Variants in ZFHX3 observed in about 807,000 individuals in gnomAD.
ZFHX3 encodes zinc finger homeobox protein 3.
In ZFHX3, 42 loss-of-function variants were observed where a neutral mutation model predicts 279.1. The observed-to-expected ratio is 0.15, with a 90% CI of 0.12 to 0.19. The LOEUF (loss-of-function observed/expected upper bound fraction) is 0.19, where lower values mean the gene tolerates loss of function less well. ZFHX3 is among the 10% of genes least tolerant of loss of function. The pLI, the probability that ZFHX3 is intolerant of heterozygous loss-of-function variation, is 1.00. For missense variants in ZFHX3, 4,981 were observed against 4,754.0 expected, an observed-to-expected ratio of 1.05 and a Z score of -1.40; for synonymous variants, 2,293 against 1,957.8, an observed-to-expected ratio of 1.17 and a Z score of -4.52.
intron 2 of ZFHX3, among the ~76,000 whole-genome samples, chr16:73,515,372 G>T (rs899012415): frequency 6.6e-6 from 1 of 152,002 alleles, no homozygotes. Context: ...TCACAAAGAT[G>T]GTGCCAATGT....
intron 2 of ZFHX3, among the ~76,000 whole-genome samples, chr16:73,551,851 G>T (rs972040395): frequency 4.6e-5 from 7 of 152,180 alleles, no homozygotes; most frequent in Admixed American, 4.6e-4. Flanking sequence ...TATGGTTTTG[G>T]AAGAGGTGTT....
At chr16:72,940,869 G>C (rs1240688042) in intron 3 of ZFHX3, among the ~76,000 whole-genome samples, 2 of 152,210 alleles carry the variant, frequency 1.3e-5, no homozygotes, top group African/African-American at 4.8e-5. Flanking sequence ...CCAGGAGGGG[G>C]ACCCTAGAGA....
intron 1 of ZFHX3, among the ~76,000 whole-genome samples, chr16:73,747,829 G>A (rs996541816): frequency 2.0e-5 from 3 of 152,152 alleles, no homozygotes; most frequent in African/African-American, 7.2e-5. Flanking sequence ...TATTTTTCAA[G>A]TGTTATTAAA....
chr16:73,642,214 G>A (rs1191620537), intron 2 of ZFHX3, among the ~76,000 whole-genome samples: 1 of 152,182 alleles, frequency 6.6e-6, no homozygotes, highest in African/African-American at 2.4e-5. Context: ...TGGTTCATTA[G>A]ACGATTCCTA....
At chr16:73,631,927 T>TCTCTCTCTCTCA (rs1437204921) in intron 2 of ZFHX3, among the ~76,000 whole-genome samples, 15 of 136,816 alleles carry the variant, frequency 1.1e-4, no homozygotes, top group African/African-American at 4.1e-4. Context: ...TCTCTCTCTC[T>TCTCTCTCTCTCA]CACACACACA....
intron 3 of ZFHX3, among the ~76,000 whole-genome samples, chr16:73,330,685 G>A (rs2015785299): frequency 6.6e-6 from 1 of 152,130 alleles, no homozygotes; most frequent in Non-Finnish European, 1.5e-5. Flanking sequence ...GAGAGGCAAG[G>A]GCATGTTGAT....
intron 1 of ZFHX3, among the ~76,000 whole-genome samples, chr16:72,996,350 T>C (rs1238142235): frequency 6.6e-6 from 1 of 152,186 alleles, no homozygotes; most frequent in Admixed American, 6.5e-5. Flanking sequence ...TAGATACTTA[T>C]TTGCATGGAC....
At chr16:72,952,843 G>T (rs188207458) in intron 2 of ZFHX3, among the ~76,000 whole-genome samples, 112 of 152,226 alleles carry the variant, frequency 7.4e-4, no homozygotes, top group Non-Finnish European at 1.3e-3. Context: ...TCCTAGAAGC[G>T]TACGGTCAAG....
intron 2 of ZFHX3, among the ~76,000 whole-genome samples, chr16:73,517,414 G>A (rs2019541349): frequency 6.6e-6 from 1 of 152,152 alleles, no homozygotes; most frequent in Non-Finnish European, 1.5e-5. Context: ...ATGTACAGAT[G>A]AATGTCCCTT....
intron 7 of ZFHX3, among the ~76,000 whole-genome samples, chr16:73,129,708 A>C (rs1009898145): frequency 1.6e-5 from 2 of 126,860 alleles, no homozygotes; most frequent in Non-Finnish European, 1.8e-5. Flanking sequence ...ATGTGTGTGC[A>C]TGTGTATGTG....
intron 1 of ZFHX3, among the ~76,000 whole-genome samples, chr16:73,888,196 CT>C (rs1460813598): frequency 6.6e-6 from 1 of 152,090 alleles, no homozygotes; most frequent in Non-Finnish European, 1.5e-5. Flanking sequence ...ATGAGTAAAA[CT>C]AGGTTAGAAG....
chr16:72,990,933 T>A (rs1334321586), intron 1 of ZFHX3, among the ~76,000 whole-genome samples: 2 of 150,728 alleles, frequency 1.3e-5, no homozygotes, highest in African/African-American at 4.9e-5. Context: ...TGAACCAAGA[T>A]CGCGTCACTG....
chr16:72,998,605 C>T (rs1207732660), intron 1 of ZFHX3, among the ~76,000 whole-genome samples: 1 of 152,204 alleles, frequency 6.6e-6, no homozygotes, highest in Non-Finnish European at 1.5e-5. Flanking sequence ...GAACCAGCCA[C>T]ATTTCGGGTG....
chr16:73,485,438 A>AAAG (rs1567498389), intron 2 of ZFHX3, among the ~76,000 whole-genome samples: 3 of 144,824 alleles, frequency 2.1e-5, no homozygotes, highest in African/African-American at 2.6e-5. Flanking sequence ...AAAAAAAAAA[A>AAAG]AAAAAAAAAC....
At chr16:73,007,094 A>G (rs1042750468) in intron 1 of ZFHX3, among the ~76,000 whole-genome samples, 5 of 152,348 alleles carry the variant, frequency 3.3e-5, no homozygotes, top group African/African-American at 9.6e-5. Context: ...CTCTACATAC[A>G]TGATTATTTC....
In ZFHX3 at chr16:72,800,255, A is replaced by G. The variant is rs983566106; in HGVS notation, c.3865-126T>C. On this transcript the variant is annotated intron_variant, in intron 7 of 9. Coordinates refer to ENST00000268489, the MANE Select transcript of ZFHX3 (RefSeq NM_006885.4). ...TAAAGCTAGAGGTGTCTCACTTTTC[A>G]TAGCTCACTGAAGATTCATGTTTAT... 5 of 709,618 alleles carry G rather than the reference A, an allele frequency of 7.0e-6. No homozygotes were observed. The African/African-American group carries it at 7.1e-5, about 10-fold the overall frequency. The allele number at this position is 709,618 out of a possible 1,614,324, so 44.0% of individuals were successfully genotyped here. A position where few individuals can be genotyped will look rare whatever the true frequency, so the allele number is the denominator to read the frequency against.
intron 2 of ZFHX3, among the ~76,000 whole-genome samples, chr16:73,489,881 CTGAAA>C (rs1347704858): frequency 6.6e-6 from 1 of 152,112 alleles, no homozygotes; most frequent in Non-Finnish European, 1.5e-5. Flanking sequence ...AGATTAGTCA[CTGAAA>C]TCTTGTGTTC....
intron 1 of ZFHX3, among the ~76,000 whole-genome samples, chr16:73,809,023 G>T (rs187503613): frequency 4.7e-4 from 71 of 152,256 alleles, no homozygotes; most frequent in Admixed American, 3.9e-3. Context: ...GCTTGGGTTT[G>T]TTTCTGTAAT....
At chr16:73,665,021 T>C (rs2052820628) in intron 2 of ZFHX3, among the ~76,000 whole-genome samples, 1 of 152,206 alleles carries the variant, frequency 6.6e-6, no homozygotes, top group South Asian at 2.1e-4. Flanking sequence ...ATTGTGTTAG[T>C]GCCTCTTGTC....
Sources: gnomAD v4.1 joint callset for allele counts (sites outside exome capture counted in the v4.1 genomes callset) on GRCh38, gnomAD v4.1.1 for gene constraint, MANE v1.5 for transcripts, NCBI Gene and HGNC (gene_info 2026-07-23, HGNC 2026-07-21) for gene names.